Variants in CAMK2D observed in about 807,000 individuals in gnomAD.
CAMK2D encodes calcium/calmodulin dependent protein kinase II delta, also known as calcium/calmodulin-dependent protein kinase type II subunit delta.
CAMK2D carries 37 observed loss-of-function variants against 84.0 expected under a neutral mutation model. The ratio of observed to expected loss-of-function variants is 0.44; its 90% confidence interval spans 0.34 to 0.58. The LOEUF (loss-of-function observed/expected upper bound fraction) is 0.58. Ranked by LOEUF, CAMK2D falls within the 20% of genes least tolerant of loss-of-function variation. CAMK2D has a pLI of 0.02. For missense variants in CAMK2D, 448 were observed against 652.5 expected (o/e 0.69, Z 3.41); for synonymous variants, 202 against 212.5 (o/e 0.95, Z 0.43).
At chr4:113,580,402 GATA>G (rs113909537) in intron 4 of CAMK2D, among the ~76,000 whole-genome samples, 15 of 152,306 alleles carry the variant, frequency 9.8e-5, no homozygotes, top group Admixed American at 4.6e-4. Flanking sequence ...ATAGCACAAT[GATA>G]ATGTTACACA....
chr4:113,678,780 G>C (rs2099328766), intron 2 of CAMK2D, among the ~76,000 whole-genome samples: 1 of 152,128 alleles, frequency 6.6e-6, no homozygotes, highest in African/African-American at 2.4e-5. Flanking sequence ...CCAGCCCACA[G>C]GCATTTCCTT....
chr4:113,716,685 C>A (rs1169515910), intron 2 of CAMK2D, among the ~76,000 whole-genome samples: 10 of 143,980 alleles, frequency 6.9e-5, no homozygotes, highest in African/African-American at 2.5e-4. Flanking sequence ...TACACACAAG[C>A]CTGTAGAACT....
intron 16 of CAMK2D, among the ~76,000 whole-genome samples, chr4:113,468,392 C>T (rs936166613): frequency 2.0e-4 from 30 of 152,092 alleles, no homozygotes; most frequent in African/African-American, 6.3e-4. Flanking sequence ...CAATGTGACT[C>T]GTTTGGCTTA....
chr4:113,492,046 G>A (rs2097851584), intron 16 of CAMK2D, among the ~76,000 whole-genome samples: 1 of 151,814 alleles, frequency 6.6e-6, no homozygotes, highest in African/African-American at 2.4e-5. Context: ...TTCTTTATTA[G>A]TCTTCCTAGC....
intron 2 of CAMK2D, among the ~76,000 whole-genome samples, chr4:113,735,634 T>C (rs17046456): frequency 0.063 from 9,633 of 152,266 alleles, 1,057 homozygotes; most frequent in African/African-American, 0.22. Flanking sequence ...AGGGTTATTA[T>C]TCTAGCTGTA....
intron 2 of CAMK2D, among the ~76,000 whole-genome samples, chr4:113,678,188 C>T (rs1393880559): frequency 6.6e-6 from 1 of 152,080 alleles, no homozygotes; most frequent in Non-Finnish European, 1.5e-5. Flanking sequence ...TATGAAGAAG[C>T]TGCTATTAGG....
At chr4:113,668,942 G>C (rs924476850) in intron 2 of CAMK2D, among the ~76,000 whole-genome samples, 5 of 152,002 alleles carry the variant, frequency 3.3e-5, no homozygotes, top group Non-Finnish European at 5.9e-5. Context: ...GTTTAAGAGG[G>C]AGCTGCTGTA....
At chr4:113,698,960 G>A (rs749585487) in intron 2 of CAMK2D, among the ~76,000 whole-genome samples, 16 of 152,014 alleles carry the variant, frequency 1.1e-4, no homozygotes, top group South Asian at 2.1e-4. Context: ...GATTATGTCC[G>A]GATAATAAAT....
intron 4 of CAMK2D, among the ~76,000 whole-genome samples, chr4:113,589,553 C>A (rs571270632): frequency 6.6e-6 from 1 of 151,908 alleles, no homozygotes; most frequent in African/African-American, 2.4e-5. Context: ...AAGAGAAGGG[C>A]GCAATGAGTC....
At chr4:113,666,149 A>G (rs1244134108) in intron 2 of CAMK2D, among the ~76,000 whole-genome samples, 1 of 152,188 alleles carries the variant, frequency 6.6e-6, no homozygotes, top group African/African-American at 2.4e-5. Flanking sequence ...GCCCTGATTC[A>G]CTTTCACTCA....
chr4:113,507,441 T>G (rs1038645426), intron 13 of CAMK2D, among the ~76,000 whole-genome samples: 24 of 151,612 alleles, frequency 1.6e-4, no homozygotes, highest in South Asian at 1.0e-3. Flanking sequence ...TTGTTTGTTT[T>G]TTTTTTTAGT....
chr4:113,670,226 G>A (rs541126611), intron 2 of CAMK2D, among the ~76,000 whole-genome samples: 2 of 152,142 alleles, frequency 1.3e-5, no homozygotes, highest in Non-Finnish European at 2.9e-5. Context: ...AAGTTGCAGT[G>A]AGCCAAGATT....
At chr4:113,456,003 A>G (rs1041595557) in intron 19 of CAMK2D, among the ~76,000 whole-genome samples, 182 bp from the exon 20 acceptor site, 10 of 152,154 alleles carry the variant, frequency 6.6e-5, no homozygotes, top group African/African-American at 2.2e-4. Flanking sequence ...AAAACACACA[A>G]AAACGGGTGT....
intron 4 of CAMK2D, among the ~76,000 whole-genome samples, chr4:113,585,695 T>C (rs2098830886): frequency 6.7e-6 from 1 of 148,590 alleles, no homozygotes; most frequent in African/African-American, 2.4e-5. Flanking sequence ...TATAGGTTAG[T>C]GTATATATAG....
intron 4 of CAMK2D, among the ~76,000 whole-genome samples, chr4:113,555,525 G>T (rs1314527924): frequency 2.0e-5 from 3 of 152,106 alleles, no homozygotes; most frequent in African/African-American, 7.2e-5. Context: ...GGTAACAGAG[G>T]TTCATTAAGC....
rs185080152 is a variant in CAMK2D, at chr4:113,630,024, C to T, written c.221-20818G>A. ...TAATCCAGAGACCAGGGAATTCAGA[C>T]ATAAATGCAACATTTTACTTAGGTT... On this transcript the variant is annotated intron_variant, in intron 3 of 20. Transcript: ENST00000511664. 8.6e-4 allele frequency among the ~76,000 whole-genome samples: 131 copies of T among 152,188 alleles called. 2 individuals are homozygous for T. The highest frequency in any genetic ancestry group is 3.1e-3 in the African/African-American group (128 of 41,530).
At chr4:113,480,678 T>A (rs2097690974) in intron 16 of CAMK2D, among the ~76,000 whole-genome samples, 1 of 152,074 alleles carries the variant, frequency 6.6e-6, no homozygotes, top group Admixed American at 6.6e-5. Context: ...TTGTCTCTAC[T>A]AAAAATACAA....
chr4:113,558,998 T>A (rs1011634442), intron 4 of CAMK2D, among the ~76,000 whole-genome samples: 7 of 151,932 alleles, frequency 4.6e-5, no homozygotes, highest in Admixed American at 6.6e-5. Context: ...AAATAAATAC[T>A]AAAATCGAAT....
At chr4:113,644,359 A>T (rs2099143344) in intron 3 of CAMK2D, among the ~76,000 whole-genome samples, 1 of 152,256 alleles carries the variant, frequency 6.6e-6, no homozygotes, top group Non-Finnish European at 1.5e-5. Flanking sequence ...TTCTAGAAGC[A>T]GCACTTGTGT....
Sources: allele counts gnomAD v4.1 joint callset (sites outside exome capture counted in the v4.1 genomes callset), GRCh38; gene constraint gnomAD v4.1.1; transcripts MANE v1.5; gene names NCBI Gene and HGNC (gene_info 2026-07-23, HGNC 2026-07-21).